The following PDE3A variants were observed in gnomAD, a reference collection of about 807,000 sequenced individuals.
The protein encoded by PDE3A is phosphodiesterase 3A.
Under a neutral mutation model 98.3 loss-of-function variants are expected in PDE3A, and 43 were observed. The observed-to-expected ratio is 0.44, with a 90% CI of 0.34 to 0.56. PDE3A has a LOEUF of 0.56. PDE3A is among the 20% of genes least tolerant of loss of function. The pLI is 0.01. For missense variants in PDE3A, 1,427 were observed against 1,440.7 expected, an observed-to-expected ratio of 0.99 and a Z score of 0.15; for synonymous variants, 663 against 567.9, an observed-to-expected ratio of 1.17 and a Z score of -2.38.
chr12:20,619,165 T>TATATA (rs71442257), intron 4 of PDE3A, among the ~76,000 whole-genome samples: 56,418 of 151,306 alleles, frequency 0.37, 10,631 homozygotes, highest in Admixed American at 0.43. Flanking sequence ...AATGCATTTA[T>TATATA]ATATAATACA....
intron 1 of PDE3A, among the ~76,000 whole-genome samples, chr12:20,503,226 A>G (rs1946054948): frequency 6.6e-6 from 1 of 151,998 alleles, no homozygotes; most frequent in African/African-American, 2.4e-5. Flanking sequence ...TGAGGTTGAT[A>G]TGCTAGTTTA....
At chr12:20,475,527 G>C (rs1391251400) in intron 1 of PDE3A, among the ~76,000 whole-genome samples, 1 of 152,008 alleles carries the variant, frequency 6.6e-6, no homozygotes, top group African/African-American at 2.4e-5. Flanking sequence ...TCAGGGGTTT[G>C]AGACCAGCCT....
At chr12:20,632,176 C>T (rs1328528855) in intron 6 of PDE3A, among the ~76,000 whole-genome samples, 1 of 152,132 alleles carries the variant, frequency 6.6e-6, no homozygotes, top group Non-Finnish European at 1.5e-5. Context: ...CTTTCTTTTC[C>T]CTTTTTGTCC....
intron 2 of PDE3A, among the ~76,000 whole-genome samples, chr12:20,570,195 C>A (rs1942763883): frequency 6.6e-6 from 1 of 151,714 alleles, no homozygotes; most frequent in Non-Finnish European, 1.5e-5. Context: ...TCACTTGAGG[C>A]CAGTGATTTG....
rs1424954465 is a variant in PDE3A, at chr12:20,640,047, C to G, written c.2251+90C>G. The G allele has an allele frequency of 1.2e-5, 8 of 645,452 alleles. No individual in the cohort carries two copies. In the East Asian group the frequency reaches 2.2e-4, roughly 18 times the overall value. 40.0% of individuals were successfully genotyped at this position (645,452 alleles called of 1,614,324 possible). ...GATAGTGAATCATTAGCAGGTAGCA[C>G]AGAATTACACATGGTAGACGCTCAA... is the stretch of plus-strand genomic sequence containing the variant. On this transcript the variant is annotated intron_variant, in intron 10 of 15. Transcript: ENST00000359062.
chr12:20,582,917 G>A (rs1389516667), intron 2 of PDE3A, among the ~76,000 whole-genome samples: 2 of 152,124 alleles, frequency 1.3e-5, no homozygotes, highest in African/African-American at 2.4e-5. Flanking sequence ...AGAAATAACT[G>A]AAACTTAGCT....
intron 1 of PDE3A, among the ~76,000 whole-genome samples, chr12:20,550,126 T>G (rs1374906082): frequency 6.6e-6 from 1 of 152,194 alleles, no homozygotes; most frequent in Non-Finnish European, 1.5e-5. Flanking sequence ...TCATGAAATA[T>G]TCTCTCTTAA....
At position 20,475,178 on chromosome 12, in the gene PDE3A, A is replaced by AGTGTGTGTGT. The variant is rs71442249; in HGVS notation, c.961-81451_961-81442dup. 1.9e-3 allele frequency among the ~76,000 whole-genome samples: 177 copies of AGTGTGTGTGT among 92,498 alleles called. 2 individuals are homozygous for AGTGTGTGTGT. In the Middle Eastern group the frequency reaches 0.026, roughly 14 times the overall value. 60.7% of individuals were successfully genotyped at this position (92,498 alleles called of 152,430 possible). ...TGTAGGAGAGGAAAAAATGTGTGTG[A>AGTGTGTGTGT]GTGTGTGTGTGTGTGTGTGTGTGTG... On this transcript the variant is annotated intron_variant, in intron 1 of 15. Coordinates refer to ENST00000359062, the MANE Select transcript of PDE3A (RefSeq NM_000921.5).
intron 1 of PDE3A, among the ~76,000 whole-genome samples, chr12:20,424,428 G>A (rs151167420): frequency 6.6e-6 from 1 of 152,086 alleles, no homozygotes; most frequent in African/African-American, 2.4e-5. Flanking sequence ...GATACAAATA[G>A]ATGTAAGGGA....
chr12:20,471,971 G>A (rs11833395), intron 1 of PDE3A, among the ~76,000 whole-genome samples: 3,495 of 152,182 alleles, frequency 0.023, 155 homozygotes, highest in African/African-American at 0.08. Context: ...TTGATTGTAA[G>A]CCACCCTATG....
chr12:20,630,169 T>C, intron 6 of PDE3A, 42 bp downstream of exon 6: 1 of 1,375,958 alleles, frequency 7.3e-7, no homozygotes, highest in Non-Finnish European at 1.0e-6. Context: ...ATAAAAACGA[T>C]GATAGTTTTC....
intron 1 of PDE3A, chr12:20,371,547 T>C (rs908973127): frequency 4.3e-6 from 3 of 695,452 alleles, no homozygotes; most frequent in South Asian, 6.4e-5. Flanking sequence ...AGTCACCATA[T>C]GGTGTGGGTG....
intron 1 of PDE3A, among the ~76,000 whole-genome samples, chr12:20,428,323 A>G (rs910198025): frequency 6.6e-6 from 1 of 152,192 alleles, no homozygotes; most frequent in African/African-American, 2.4e-5. Context: ...TCTGTCGCCC[A>G]GGCTGGAGTG....
intron 10 of PDE3A, among the ~76,000 whole-genome samples, chr12:20,644,980 CT>C (rs1401627692): frequency 1.3e-5 from 2 of 151,342 alleles, no homozygotes; most frequent in African/African-American, 4.9e-5. Context: ...CCTCCACCTC[CT>C]GGGTTCAAGC....
At chr12:20,674,997 T>C (rs1945595981) in intron 15 of PDE3A, among the ~76,000 whole-genome samples, 1 of 152,048 alleles carries the variant, frequency 6.6e-6, no homozygotes, top group African/African-American at 2.4e-5. Flanking sequence ...TAGTTAGTTA[T>C]TGCTTCTCAA....
chr12:20,477,431 C>T (rs1023572713), intron 1 of PDE3A, among the ~76,000 whole-genome samples: 6 of 152,138 alleles, frequency 3.9e-5, no homozygotes, highest in African/African-American at 1.4e-4. Flanking sequence ...CTCTAGCTTT[C>T]CAGTTGCTGA....
intron 1 of PDE3A, among the ~76,000 whole-genome samples, chr12:20,384,584 G>A (rs1943717181): frequency 6.6e-6 from 1 of 151,788 alleles, no homozygotes; most frequent in Non-Finnish European, 1.5e-5. Context: ...GGTTTGCTAT[G>A]TAGGTAAACA....
chr12:20,668,436 C>A (rs1945379453), intron 15 of PDE3A, among the ~76,000 whole-genome samples: 6 of 152,202 alleles, frequency 3.9e-5, no homozygotes, highest in Admixed American at 3.9e-4. Flanking sequence ...CCTCTGCAGA[C>A]TTAAATGTCC....
At chr12:20,471,058 C>T (rs1376020180) in intron 1 of PDE3A, among the ~76,000 whole-genome samples, 2 of 152,086 alleles carry the variant, frequency 1.3e-5, no homozygotes, top group African/African-American at 4.8e-5. Context: ...GTCTCCAGAA[C>T]TGCGAAACAA....
Sources: allele counts gnomAD v4.1 joint callset (sites outside exome capture counted in the v4.1 genomes callset), GRCh38; gene constraint gnomAD v4.1.1; transcripts MANE v1.5; gene names NCBI Gene and HGNC (gene_info 2026-07-23, HGNC 2026-07-21).